The following CISTR variants were observed in gnomAD, a reference collection of about 807,000 sequenced individuals.
The protein encoded by CISTR is chondrogenic regulator lncRNA.
exon 2 of CISTR, chr12:53,750,894 C>T (rs1439819146): frequency 6.5e-6 from 1 of 153,002 alleles, no homozygotes; most frequent in Non-Finnish European, 1.5e-5. Flanking sequence ...CCGTCTGTCT[C>T]TCTCCCTCCA....
At chr12:53,750,158 C>G (rs1028879972) in intron 2 of CISTR, among the ~76,000 whole-genome samples, 1 of 152,218 alleles carries the variant, frequency 6.6e-6, no homozygotes. Flanking sequence ...CGTTGACATT[C>G]ACCACAGCAA....
At chr12:53,749,987 G>C (rs1192482361) in intron 2 of CISTR, among the ~76,000 whole-genome samples, 1 of 152,160 alleles carries the variant, frequency 6.6e-6, no homozygotes, top group Admixed American at 6.5e-5. Context: ...TCATTTTTCT[G>C]TCTATTAAAA....
In CISTR at chr12:53,751,240, C is replaced by G. The variant is rs887553019; in HGVS notation, n.415-275G>C. On this transcript the variant is annotated intron_variant and non_coding_transcript_variant, in intron 1 of 2. Coordinates refer to ENST00000669269, the Ensembl canonical transcript of CISTR. The surrounding 1 kb of genome is among the most constrained non-coding windows in gnomAD (Gnocchi z 4.6). ...CGCCCCTCCTCTGAGCCCTGCGGCC[C>G]GGCCTTCCGCACCTCCCAACGCCTG... 3.9e-5 allele frequency among the ~76,000 whole-genome samples: 6 copies of G among 152,188 alleles called. No homozygotes were observed. Among genetic ancestry groups the G allele is most frequent in the Non-Finnish European group, 8.8e-5 (6 of 68,030 alleles).
chr12:53,749,170 T>C (rs537457541), intron 2 of CISTR, among the ~76,000 whole-genome samples: 1 of 151,836 alleles, frequency 6.6e-6, no homozygotes, highest in Admixed American at 6.6e-5. Context: ...AGAAAAAGAA[T>C]GGCAGAGCCC....
intron 2 of CISTR, among the ~76,000 whole-genome samples, chr12:53,748,182 T>G (rs1313181589): frequency 3.3e-5 from 5 of 152,144 alleles, no homozygotes; most frequent in African/African-American, 4.8e-5. Context: ...AGGAGAATGC[T>G]GCAGTCAGAG....
intron 1 of CISTR, among the ~76,000 whole-genome samples, chr12:53,753,665 GGTGTGTGTGTGTGT>G (rs55769002): frequency 1.3e-4 from 19 of 141,224 alleles, no homozygotes; most frequent in African/African-American, 2.9e-4. Flanking sequence ...AATGCATAGG[GGTGTGTGTGTGTGT>G]GTGTGTGTGT....
chr12:53,746,483 T>G (rs768954568), exon 3 of CISTR, among the ~76,000 whole-genome samples: 5 of 152,014 alleles, frequency 3.3e-5, no homozygotes, highest in Non-Finnish European at 5.9e-5. Context: ...CGGAGGAGCG[T>G]GGGTGTCATC....
Position 53,756,264 on chromosome 12 carries a change from G to C in CISTR, n.414+550C>G, listed in dbSNP as rs1937913546. On this transcript the variant is annotated intron_variant and non_coding_transcript_variant, in intron 1 of 2. Transcript: ENST00000669269. This position sits in a 1 kb window ranked among gnomAD's most constrained non-coding sequence, Gnocchi z 4.0. The stretch of plus-strand genomic sequence containing the variant: ...TCGAGGTAAGTTCTTTGGGGATGAA[G>C]CACCTGATAAATGAGGACCTGGAAC... Among the ~76,000 whole-genome samples the C allele has an allele frequency of 6.6e-6, 1 of 152,142 alleles. No individual in the cohort carries two copies. The highest frequency in any genetic ancestry group is 2.4e-5 in the African/African-American group (1 of 41,430).
At chr12:53,750,546 C>A (rs1187700817) in exon 2 of CISTR, 1 of 152,300 alleles carries the variant, frequency 6.6e-6, no homozygotes, top group African/African-American at 2.4e-5. Context: ...TGTGCACTCA[C>A]ACTTGTCTGG....
intron 2 of CISTR, among the ~76,000 whole-genome samples, chr12:53,747,047 G>C (rs1194405582): frequency 6.6e-6 from 1 of 152,232 alleles, no homozygotes; most frequent in African/African-American, 2.4e-5. Context: ...AAGGGGCCGA[G>C]ATTGAACAGA....
At chr12:53,748,628 G>C (rs1156372299) in intron 2 of CISTR, among the ~76,000 whole-genome samples, 2 of 152,190 alleles carry the variant, frequency 1.3e-5, no homozygotes, top group African/African-American at 4.8e-5. Context: ...AGCCATAGCA[G>C]AGCAGTCACG....
At chr12:53,755,308 G>GGTGT (rs3058893) in intron 1 of CISTR, among the ~76,000 whole-genome samples, 14,979 of 147,112 alleles carry the variant, frequency 0.1, 1,312 homozygotes, top group East Asian at 0.45. Flanking sequence ...TCCTGTTTGG[G>GGTGT]GTGTGTGTGT....
chr12:53,752,974 T>TC (rs1231309935), intron 1 of CISTR, among the ~76,000 whole-genome samples: 1 of 150,162 alleles, frequency 6.7e-6, no homozygotes, highest in Admixed American at 6.7e-5. Context: ...GGAGTCCAGC[T>TC]CCCCCAAGAC....
chr12:53,751,910 C>G lies in CISTR; in HGVS notation n.415-945G>C, dbSNP rs2120736570. ...TCTCTCCTTGCGGCTGACTCCAGCT[C>G]CCCCTCGGTGCCCGTAACCCTCCTT... On this transcript the variant is annotated intron_variant and non_coding_transcript_variant, in intron 1 of 2. Transcript: ENST00000669269. This position sits in a 1 kb window ranked among gnomAD's most constrained non-coding sequence, Gnocchi z 4.6. 1 of 153,378 alleles carries G rather than the reference C, an allele frequency of 6.5e-6. No individual in the cohort carries two copies. The highest frequency in any genetic ancestry group is 2.4e-5 in the African/African-American group (1 of 41,560). 9.5% of individuals were successfully genotyped at this position (153,378 alleles called of 1,614,324 possible).
chr12:53,753,716 C>A (rs950827814), intron 1 of CISTR, among the ~76,000 whole-genome samples: 3 of 127,480 alleles, frequency 2.4e-5, no homozygotes, highest in Admixed American at 1.5e-4. Context: ...GTGTGTGTGT[C>A]TGTGTGTTGG....
intron 2 of CISTR, among the ~76,000 whole-genome samples, chr12:53,749,704 G>C (rs1191864176): frequency 3.9e-5 from 6 of 152,154 alleles, no homozygotes; most frequent in Non-Finnish European, 8.8e-5. Flanking sequence ...AGAGCCTGCA[G>C]TATAGCTCTG....
At position 53,751,378 on chromosome 12, in the gene CISTR, T is replaced by G. The variant is rs976705799; in HGVS notation, n.415-413A>C. On this transcript the variant is annotated intron_variant and non_coding_transcript_variant, in intron 1 of 2. Coordinates refer to ENST00000669269, the Ensembl canonical transcript of CISTR. This position sits in a 1 kb window ranked among gnomAD's most constrained non-coding sequence, Gnocchi z 4.6. The stretch of plus-strand genomic sequence containing the variant: ...AGGGGTGTGCGTGGGTGTCCTCTCC[T>G]TCACTCTTTCCCCAGCCCTGTCGCC... 4.0e-5 allele frequency among the ~76,000 whole-genome samples: 6 copies of G among 151,816 alleles called. No individual in the cohort carries two copies. The highest frequency in any genetic ancestry group is 1.5e-4 in the African/African-American group (6 of 41,366).
intron 1 of CISTR, among the ~76,000 whole-genome samples, chr12:53,752,555 A>C (rs1219508599): frequency 6.6e-6 from 1 of 152,160 alleles, no homozygotes; most frequent in Non-Finnish European, 1.5e-5. Context: ...CGAATGTAAC[A>C]TGCTTGGCAC....
intron 1 of CISTR, among the ~76,000 whole-genome samples, chr12:53,755,491 G>A (rs543336662): frequency 2.0e-4 from 30 of 152,232 alleles, no homozygotes; most frequent in African/African-American, 7.0e-4. Flanking sequence ...ATTATCTAAA[G>A]TCCAGGATCT....
Sources: gnomAD v4.1 joint callset for allele counts (sites outside exome capture counted in the v4.1 genomes callset) on GRCh38, gnomAD v4.1.1 for gene constraint, Gnocchi (gnomAD v3.1) non-coding constraint, MANE v1.5 for transcripts, NCBI Gene and HGNC (gene_info 2026-07-23, HGNC 2026-07-21) for gene names.